The following BPTF variants were observed in gnomAD, a reference collection of about 807,000 sequenced individuals.
The protein encoded by BPTF is nucleosome-remodeling factor subunit BPTF.
In BPTF, 18 loss-of-function variants were observed where a neutral mutation model predicts 292.5. That is an observed-to-expected ratio of 0.06 (90% CI 0.04 to 0.09). BPTF has a LOEUF of 0.09. Among genes scored for constraint, BPTF ranks in the 10% least tolerant of loss-of-function variants. The pLI is 1.00. For missense variants in BPTF, 2,726 were observed against 3,498.7 expected, an observed-to-expected ratio of 0.78 and a Z score of 5.57; for synonymous variants, 1,225 against 1,251.9, an observed-to-expected ratio of 0.98 and a Z score of 0.45.
intron 1 of BPTF, among the ~76,000 whole-genome samples, chr17:67,843,533 G>GAT (rs900628720): frequency 2.0e-4 from 29 of 147,754 alleles, no homozygotes; most frequent in African/African-American, 6.0e-4. Flanking sequence ...TATATATCTA[G>GAT]ATATATATAT....
At position 67,912,444 on chromosome 17, in the gene BPTF, A is replaced by G. The variant is rs1187580271; in HGVS notation, c.4560A>G (p.Ala1520=). 3 of 1,613,914 alleles carry G rather than the reference A, an allele frequency of 1.9e-6. No individual in the cohort carries two copies. The highest frequency in any genetic ancestry group is 1.7e-6 in the Non-Finnish European group (2 of 1,179,964). The change falls in exon 11 of 28, where the codon GCA becomes GCG. Residue 1520 remains alanine, a synonymous_variant. Transcript: ENST00000306378. ...SDSTQTTTPS[A]SCPESNSVNQ... The stretch of plus-strand genomic sequence containing the variant: ...GTACACAGACGACCACACCCTCAGC[A>G]TCTTGTCCAGAAAGCAATTCAGTTA...
At chr17:67,947,910 T>C in intron 22 of BPTF, 102 bp downstream of exon 22, 3 of 1,293,150 alleles carry the variant, frequency 2.3e-6, no homozygotes, top group Admixed American at 2.5e-5. Flanking sequence ...TTGAAGTTCA[T>C]TAAATGAGAA....
intron 1 of BPTF, among the ~76,000 whole-genome samples, chr17:67,852,310 C>A (rs1191811263): frequency 2.6e-5 from 4 of 151,808 alleles, no homozygotes; most frequent in Non-Finnish European, 5.9e-5. Flanking sequence ...AACGAAAATA[C>A]ATGTATGAAT....
chr17:67,844,960 CACGA>C (rs1160524880), intron 1 of BPTF, among the ~76,000 whole-genome samples: 1 of 152,094 alleles, frequency 6.6e-6, no homozygotes, highest in Non-Finnish European at 1.5e-5. Context: ...TCAGGCTGGT[CACGA>C]ACTTCCAACC....
intron 14 of BPTF, among the ~76,000 whole-genome samples, chr17:67,923,258 A>T (rs762435852): frequency 1.3e-5 from 2 of 151,636 alleles, no homozygotes; most frequent in African/African-American, 4.8e-5. Flanking sequence ...GGGTTTTGCT[A>T]TGTTGTTCAG....
chr17:67,924,703 C>A, intron 15 of BPTF, 114 bp downstream of exon 15: 1 of 1,176,604 alleles, frequency 8.5e-7, no homozygotes, highest in Non-Finnish European at 1.2e-6. Flanking sequence ...CACTTGACAA[C>A]ATACATACAT....
In BPTF at chr17:67,982,483, G is replaced by T. The variant is rs1271892231; in HGVS notation, c.*195G>T. ...CGGACAAGAAAAAAGCAAAGTCAAC[G>T]ACACCATTATCTTGTCAAGATCAGA... is the stretch of plus-strand genomic sequence containing the variant. On this transcript the variant is annotated 3_prime_UTR_variant, in exon 28 of 28. Coordinates refer to ENST00000306378, the MANE Select transcript of BPTF (RefSeq NM_182641.4). 5 of 471,902 alleles carry T rather than the reference G, an allele frequency of 1.1e-5. No individual in the cohort carries two copies. The highest frequency in any genetic ancestry group is 4.4e-5 in the South Asian group (1 of 22,604). 29.2% of individuals were successfully genotyped at this position (471,902 alleles called of 1,614,324 possible). A position where few individuals can be genotyped will look rare whatever the true frequency, so the allele number is the denominator to read the frequency against.
At chr17:67,939,810 G>A (rs990898621) in intron 18 of BPTF, among the ~76,000 whole-genome samples, 2 of 152,196 alleles carry the variant, frequency 1.3e-5, no homozygotes, top group South Asian at 4.1e-4. Flanking sequence ...AACCCAGGAG[G>A]CAGAGGTTGC....
intron 11 of BPTF, among the ~76,000 whole-genome samples, chr17:67,917,131 C>CTTTTCCTTTCTTTTTTTTTTTTT (rs1194058584): frequency 9.5e-6 from 1 of 105,808 alleles, no homozygotes; most frequent in African/African-American, 3.6e-5. Flanking sequence ...TGGTATTGTC[C>CTTTTCCTTTCTTTTTTTTTTTTT]TTTTTTTTTT....
Position 67,851,140 on chromosome 17 carries a change from T to C in BPTF, c.614-2800T>C, listed in dbSNP as rs1269857417. On this transcript the variant is annotated intron_variant, in intron 1 of 27. Coordinates refer to ENST00000306378, the MANE Select transcript of BPTF (RefSeq NM_182641.4). ...TGTGCACAGACAAGGAGAGGTCTCA[T>C]GAAGCTTCGGCAGAGTCTGGGACCC... 2.6e-5 allele frequency among the ~76,000 whole-genome samples: 4 copies of C among 152,110 alleles called. No individual in the cohort carries two copies. The East Asian group carries it at 5.8e-4, about 22-fold the overall frequency.
In BPTF at chr17:67,909,522, CATATT is replaced by C. The variant is rs1485925134; in HGVS notation, c.2813-58_2813-54del. The C allele has an allele frequency of 4.8e-6, 5 of 1,038,144 alleles. No individual in the cohort carries two copies. In the Admixed American group the frequency reaches 9.0e-5, roughly 19 times the overall value. The allele number at this position is 1,038,144 out of a possible 1,614,324, so 64.3% of individuals were successfully genotyped here. ...ACTTGTTTATTTTCACTAAACTTGA[CATATT>C]AAAGTGCTAATACTCTGGAAATAAC... is the stretch of plus-strand genomic sequence containing the variant. On this transcript the variant is annotated intron_variant, in intron 9 of 27. Transcript: ENST00000306378.
intron 9 of BPTF, among the ~76,000 whole-genome samples, chr17:67,906,130 G>A (rs1227293123): frequency 6.6e-6 from 1 of 152,048 alleles, no homozygotes; most frequent in Non-Finnish European, 1.5e-5. Context: ...TCACCAGGCT[G>A]GAGTGCAGTG....
chr17:67,896,048 C>T (rs1005662064), intron 7 of BPTF, among the ~76,000 whole-genome samples: 17 of 151,372 alleles, frequency 1.1e-4, no homozygotes, highest in South Asian at 2.1e-4. Context: ...ACTGCAGCTC[C>T]GCCTCCCGGG....
chr17:67,897,602 TG>T (rs1312981561), intron 7 of BPTF, among the ~76,000 whole-genome samples: 1 of 150,764 alleles, frequency 6.6e-6, no homozygotes, highest in African/African-American at 2.4e-5. Flanking sequence ...TCCTTTTGGG[TG>T]GGGGGAAGGG....
At position 67,874,784 on chromosome 17, in the gene BPTF, G is replaced by A. The variant is rs146878308; in HGVS notation, c.1661-33G>A. 7,468 of 1,443,408 alleles carry A rather than the reference G, an allele frequency of 5.2e-3. 35 individuals are homozygous for A. The highest frequency in any genetic ancestry group is 5.8e-3 in the Non-Finnish European group (6,060 of 1,040,914). The allele number at this position is 1,443,408 out of a possible 1,614,324, so 89.4% of individuals were successfully genotyped here. On this transcript the variant is annotated intron_variant, in intron 3 of 27. Coordinates refer to ENST00000306378, the MANE Select transcript of BPTF (RefSeq NM_182641.4). Reference sequence around the variant, plus strand: ...TACTGTTCTATTTGGTTATATATAGGAATAATTTTTTTGTTTGTTTTACAC... The same window carrying A: ...TACTGTTCTATTTGGTTATATATAGAAATAATTTTTTTGTTTGTTTTACAC...
At chr17:67,885,436 A>G (rs1453298706) in intron 4 of BPTF, among the ~76,000 whole-genome samples, 3 of 152,108 alleles carry the variant, frequency 2.0e-5, no homozygotes, top group Non-Finnish European at 2.9e-5. Context: ...ATATAAAAGA[A>G]TTATCCAGGT....
chr17:67,940,599 C>G lies in BPTF; in HGVS notation c.6420C>G (p.Pro2140=), dbSNP rs566686440. 4.3e-6 allele frequency: 7 copies of G among 1,614,128 alleles called. No homozygotes were observed. In the East Asian group the frequency reaches 1.3e-4, roughly 31 times the overall value. Residue 2140 remains proline, a synonymous_variant, in exon 19 of 28, where the codon CCC becomes CCG. Coordinates refer to ENST00000306378, the MANE Select transcript of BPTF (RefSeq NM_182641.4). ...IQSSASQPPR[P]QQGQVKLTMA... ...CTTCAGCCTCACAACCCCCTCGCCC[C>G]CAACAAGGACAAGTGAAGCTCACCA...
intron 1 of BPTF, among the ~76,000 whole-genome samples, chr17:67,829,671 T>G (rs573894847): frequency 6.6e-6 from 1 of 152,182 alleles, no homozygotes; most frequent in Non-Finnish European, 1.5e-5. Context: ...GTTTAAGATA[T>G]CCGAATAACA....
chr17:67,882,747 C>T lies in BPTF; in HGVS notation c.1864+7727C>T, dbSNP rs546630048. Among the ~76,000 whole-genome samples the T allele has an allele frequency of 2.6e-5, 4 of 152,324 alleles. No individual in the cohort carries two copies. The South Asian group carries it at 8.3e-4, about 32-fold the overall frequency. ...CTGGGCTGGGCGTGGTGGCTGACGCCTGTAATCCCAGCACTTTGGGAGGCC... is the reference window on the plus strand; with the variant it reads ...CTGGGCTGGGCGTGGTGGCTGACGCTTGTAATCCCAGCACTTTGGGAGGCC... On this transcript the variant is annotated intron_variant, in intron 4 of 27. Coordinates refer to ENST00000306378, the MANE Select transcript of BPTF (RefSeq NM_182641.4).
Sources: gnomAD v4.1 joint callset for allele counts (sites outside exome capture counted in the v4.1 genomes callset) on GRCh38, gnomAD v4.1.1 for gene constraint, MANE v1.5 for transcripts, NCBI Gene and HGNC (gene_info 2026-07-23, HGNC 2026-07-21) for gene names.